Variants in EEF2 observed in about 807,000 individuals in gnomAD.
The protein encoded by EEF2 is elongation factor 2.
EEF2 carries 21 observed loss-of-function variants against 85.3 expected under a neutral mutation model. That is an observed-to-expected ratio of 0.25 (90% confidence interval 0.17 to 0.35). The LOEUF (loss-of-function observed/expected upper bound fraction) is 0.35, where lower values mean the gene tolerates loss of function less well. Among genes scored for constraint, EEF2 ranks in the 10% least tolerant of loss-of-function variants. The pLI is 1.00. For missense variants in EEF2, 825 were observed against 1,225.3 expected, an observed-to-expected ratio of 0.67 and a Z score of 4.88; for synonymous variants, 723 against 508.8, an observed-to-expected ratio of 1.42 and a Z score of -5.67.
At chr19:3,981,861 G>A in intron 6 of EEF2, 86 bp downstream of exon 6, 1 of 1,283,258 alleles carries the variant, frequency 7.8e-7, no homozygotes, top group Non-Finnish European at 1.1e-6. Flanking sequence ...GACGGGCCCA[G>A]TCAGCCGACA....
intron 9 of EEF2, 81 bp downstream of exon 9, chr19:3,980,433 C>G: frequency 6.7e-7 from 1 of 1,491,278 alleles, no homozygotes; most frequent in Non-Finnish European, 9.0e-7. Context: ...ACTTCTAGCT[C>G]CCGACTGAGG....
intron 7 of EEF2, 136 bp from the exon 8 acceptor site, chr19:3,981,115 G>A (rs1277053434): frequency 1.9e-5 from 26 of 1,391,002 alleles, no homozygotes; most frequent in African/African-American, 2.9e-5. Flanking sequence ...CTTCTGGAAG[G>A]CGGCAAAGGC....
chr19:3,976,993 C>T (rs755229224), intron 14 of EEF2, among the ~76,000 whole-genome samples: 9 of 152,344 alleles, frequency 5.9e-5, no homozygotes, highest in Non-Finnish European at 8.8e-5. Flanking sequence ...GCCTTCAGAG[C>T]TCCAGGCCCA....
chr19:3,985,087 G>A (rs916125689), intron 1 of EEF2: 9 of 379,144 alleles, frequency 2.4e-5, no homozygotes, highest in Non-Finnish European at 3.3e-5. Flanking sequence ...CGCGGTGCCC[G>A]CCATTACTAC....
intron 1 of EEF2, chr19:3,985,062 T>A: frequency 2.7e-6 from 1 of 363,690 alleles, no homozygotes; most frequent in Non-Finnish European, 4.9e-6. Flanking sequence ...CGCCTCCCTG[T>A]CTCCCCGCTT....
At chr19:3,980,478 A>T (rs371755070) in intron 9 of EEF2, 36 bp downstream of exon 9, 10 of 1,589,266 alleles carry the variant, frequency 6.3e-6, no homozygotes, top group Non-Finnish European at 8.6e-6. Flanking sequence ...GGCCCGCAAC[A>T]GTGCCAAGGG....
chr19:3,978,495 G>A (rs976557637), intron 11 of EEF2, among the ~76,000 whole-genome samples: 1 of 152,226 alleles, frequency 6.6e-6, no homozygotes, highest in Non-Finnish European at 1.5e-5. Context: ...ACAGAAGACA[G>A]CAGGATGTAA....
chr19:3,983,087 C>G, intron 3 of EEF2, 23 bp downstream of exon 3: 1 of 1,612,322 alleles, frequency 6.2e-7, no homozygotes, highest in Middle Eastern at 1.7e-4. Flanking sequence ...CCAGGCCGTG[C>G]CTCAGGGGGA....
chr19:3,978,161 C>T lies in EEF2; in HGVS notation c.1725G>A (p.Pro575=), dbSNP rs566897549. 12 of 1,447,690 alleles carry T rather than the reference C, an allele frequency of 8.3e-6. No individual in the cohort carries two copies. Among genetic ancestry groups the T allele is most frequent in the South Asian group, 4.5e-5 (3 of 66,610 alleles). 89.7% of individuals were successfully genotyped at this position (1,447,690 alleles called of 1,614,324 possible). The change falls in exon 12 of 15, where the codon CCG becomes CCA. Residue 575 remains proline, a synonymous_variant. Transcript: ENST00000309311. The part of the protein sequence containing the change: ...HACIPIKKSD[P]VVSYRETVSE... ...TGACCGTCTCGCGGTACGAGACGAC[C>T]GGGTCAGATTTCTGCAAAAAGAGGT...
chr19:3,980,872 G>T lies in EEF2; in HGVS notation c.1119C>A (p.Tyr373Ter). ...TAQKYRCELL[Y>*]EGPPDDEAAM... The stretch of plus-strand genomic sequence containing the variant: ...CAGCCTCGTCGTCCGGGGGCCCCTC[G>T]TACAGGAGCTCGCAGCGGTACTTCT... The change falls in exon 8 of 15, where the codon TAC becomes TAA. Residue 373 changes from tyrosine (Y) to a stop codon, truncating the protein, a stop_gained. Transcript: ENST00000309311. LOFTEE classifies it high-confidence loss of function. The T allele has an allele frequency of 6.4e-7, 1 of 1,563,484 alleles. No homozygotes were observed.
Position 3,977,378 on chromosome 19 carries a change from G to T in EEF2, c.2251-31C>A, listed in dbSNP as rs931740881. 6.3e-7 allele frequency: 1 copy of T among 1,591,720 alleles called. No individual in the cohort carries two copies. Among genetic ancestry groups the T allele is most frequent in the African/African-American group, 1.3e-5 (1 of 74,770 alleles). On this transcript the variant is annotated intron_variant, in intron 13 of 14. Coordinates refer to ENST00000309311, the MANE Select transcript of EEF2 (RefSeq NM_001961.4). This position sits in a 1 kb window ranked among gnomAD's most constrained non-coding sequence, Gnocchi z 5.4. ...AGAAGGGAAAGAAAACCTGTCAGTGGCCGCTGGGCAGGACGGTGGCAGGGT... is the reference window on the plus strand; with the variant it reads ...AGAAGGGAAAGAAAACCTGTCAGTGTCCGCTGGGCAGGACGGTGGCAGGGT...
At chr19:3,984,021 A>T in intron 2 of EEF2, 115 bp downstream of exon 2, 1 of 1,121,128 alleles carries the variant, frequency 8.9e-7, no homozygotes, top group Non-Finnish European at 1.3e-6. Flanking sequence ...CCATGAATTA[A>T]GAAACCAGGG....
At position 3,980,714 on chromosome 19, in the gene EEF2, G is replaced by C. The variant is rs2145361148; in HGVS notation, c.1151-5C>G. 1 of 1,611,826 alleles carries C rather than the reference G, an allele frequency of 6.2e-7. No individual in the cohort carries two copies. On this transcript the variant is annotated splice_region_variant and splice_polypyrimidine_tract_variant and intron_variant, in intron 8 of 14. Coordinates refer to ENST00000309311, the MANE Select transcript of EEF2 (RefSeq NM_001961.4). ...TGGGGTCACAGCTTTTAATGCCTGAGGGACAGAGAAAACCCGCAAGCTTTA... is the reference window on the plus strand; with the variant it reads ...TGGGGTCACAGCTTTTAATGCCTGACGGACAGAGAAAACCCGCAAGCTTTA...
At chr19:3,982,766 C>T (rs1174420990) in intron 4 of EEF2, 41 bp downstream of exon 4, 2 of 1,577,600 alleles carry the variant, frequency 1.3e-6, no homozygotes, top group Admixed American at 1.8e-5. Context: ...CCTGCAGATC[C>T]CGCTGCGGCA....
At position 3,979,279 on chromosome 19, in the gene EEF2, G is replaced by A. The variant is rs567548388; in HGVS notation, c.1713+50C>T. 27 of 1,453,150 alleles carry A rather than the reference G, an allele frequency of 1.9e-5. No individual in the cohort carries two copies. The African/African-American group carries it at 2.2e-4, about 12-fold the overall frequency. The allele number at this position is 1,453,150 out of a possible 1,614,324, so 90.0% of individuals were successfully genotyped here. A position where few individuals can be genotyped will look rare whatever the true frequency, so the allele number is the denominator to read the frequency against. ...AGCTCAGCTCAGCTTTAAAGCAGAG[G>A]GCAGGTGTCCGGGGTGGGGCGTGGG... On this transcript the variant is annotated intron_variant, in intron 11 of 14. Transcript: ENST00000309311.
intron 2 of EEF2, 120 bp from the exon 3 acceptor site, chr19:3,983,411 A>T: frequency 9.4e-7 from 1 of 1,061,512 alleles, no homozygotes; most frequent in Non-Finnish European, 1.3e-6. Context: ...AGAGGCTCCC[A>T]CAAGAGCCAA....
rs539897763 is a variant in EEF2, at chr19:3,979,523, C to A, written c.1606-87G>T. ...CCCAGCTTCCCTTTAGCTAGGGACC[C>A]CGCCAGAACAAGATTTCAGGGAAGG... is the stretch of plus-strand genomic sequence containing the variant. On this transcript the variant is annotated intron_variant, in intron 10 of 14. Transcript: ENST00000309311. 2.3e-4 allele frequency: 276 copies of A among 1,191,548 alleles called. 1 individual carries two copies. The highest frequency in any genetic ancestry group is 8.4e-4 in the Admixed American group (39 of 46,378). 73.8% of individuals were successfully genotyped at this position (1,191,548 alleles called of 1,614,324 possible).
chr19:3,981,399 C>T lies in EEF2; in HGVS notation c.951G>A (p.Glu317=), dbSNP rs2039744870. Residue 317 remains glutamate (E), a synonymous_variant, in exon 7 of 15, where the codon GAG becomes GAA. Transcript: ENST00000309311. ...CGCTGTCCAGTTTGATGTCCAGTTT[C>T]TCTATCAGTTTTGCTGTCTCCTCTT... is the stretch of plus-strand genomic sequence containing the variant. ...FKKEETAKLI[E]KLDIKLDSED... 6.2e-7 allele frequency: 1 copy of T among 1,614,134 alleles called. No homozygotes were observed. Among genetic ancestry groups the T allele is most frequent in the Non-Finnish European group, 8.5e-7 (1 of 1,180,060 alleles).
In EEF2 at chr19:3,982,813, G is replaced by A. The variant is rs773491340; in HGVS notation, c.606C>T (p.Asn202=). The change falls in exon 4 of 15, where the codon AAC becomes AAT. Residue 202 remains asparagine (N), a synonymous_variant. Transcript: ENST00000309311. ...CAGCTAGGGAGGGCCGTACCATGAT[G>A]TTGCCCATGGGGCCGCTCTCGCCCT... The part of the protein sequence containing the change: ...YGEGESGPMG[N]IMIDPVLGTV... 1.2e-6 allele frequency: 2 copies of A among 1,610,570 alleles called. No homozygotes were observed. Among genetic ancestry groups the A allele is most frequent in the South Asian group, 1.1e-5 (1 of 90,594 alleles).
Sources: allele counts gnomAD v4.1 joint callset (sites outside exome capture counted in the v4.1 genomes callset), GRCh38; gene constraint gnomAD v4.1.1; non-coding constraint Gnocchi (gnomAD v3.1); transcripts MANE v1.5; gene names NCBI Gene and HGNC (gene_info 2026-07-23, HGNC 2026-07-21).